Variants in YTHDC2 observed in about 807,000 individuals in gnomAD.
YTHDC2 encodes YTH N6-methyladenosine RNA binding protein C2, also known as 3'-5' RNA helicase YTHDC2.
YTHDC2 carries 45 observed loss-of-function variants against 174.9 expected under a neutral mutation model. The ratio of observed to expected loss-of-function variants is 0.26; its 90% CI spans 0.20 to 0.33. The LOEUF (loss-of-function observed/expected upper bound fraction) is 0.33, where lower values mean the gene tolerates loss of function less well. YTHDC2 is among the 10% of genes least tolerant of loss of function. The pLI is 1.00. For missense variants in YTHDC2, 1,650 were observed against 1,723.7 expected (o/e 0.96, Z 0.76); for synonymous variants, 657 against 574.5 (o/e 1.14, Z -2.05).
chr5:113,532,801 G>T, intron 4 of YTHDC2, 78 bp from the exon 5 acceptor site: 1 of 1,321,590 alleles, frequency 7.6e-7, no homozygotes, highest in Admixed American at 2.3e-5. Context: ...CAATTCTAGT[G>T]GTTTTTCAGT....
chr5:113,550,900 A>G (rs1776211785), intron 12 of YTHDC2, among the ~76,000 whole-genome samples: 1 of 152,072 alleles, frequency 6.6e-6, no homozygotes, highest in African/African-American at 2.4e-5. Context: ...CTTTCAGATT[A>G]GATATTTAAA....
At chr5:113,540,177 G>A (rs761531478) in intron 8 of YTHDC2, among the ~76,000 whole-genome samples, 2 of 152,316 alleles carry the variant, frequency 1.3e-5, no homozygotes, top group Non-Finnish European at 2.9e-5. Flanking sequence ...GAGCCACCAT[G>A]TCCAGCTGAA....
At chr5:113,523,035 A>G (rs1023541690) in intron 2 of YTHDC2, among the ~76,000 whole-genome samples, 3 of 152,046 alleles carry the variant, frequency 2.0e-5, no homozygotes, top group African/African-American at 7.2e-5. Context: ...TTTCAATCTA[A>G]CTTATTATTT....
chr5:113,540,408 A>G (rs1157516052), intron 8 of YTHDC2, among the ~76,000 whole-genome samples: 1 of 152,176 alleles, frequency 6.6e-6, no homozygotes, highest in Non-Finnish European at 1.5e-5. Flanking sequence ...GTATTAGCCC[A>G]TTTTCACACT....
intron 2 of YTHDC2, among the ~76,000 whole-genome samples, chr5:113,522,333 G>C (rs1773931753): frequency 6.6e-6 from 1 of 151,974 alleles, no homozygotes; most frequent in Admixed American, 6.6e-5. Flanking sequence ...TTTTAAATTA[G>C]TAAATTGATT....
chr5:113,590,007 G>A (rs573430312), intron 26 of YTHDC2, among the ~76,000 whole-genome samples: 5 of 152,218 alleles, frequency 3.3e-5, no homozygotes, highest in East Asian at 1.9e-4. Flanking sequence ...CATGAGAAAC[G>A]GGTTCAGATT....
intron 8 of YTHDC2, among the ~76,000 whole-genome samples, chr5:113,540,230 C>G (rs1775358607): frequency 6.6e-6 from 1 of 152,156 alleles, no homozygotes; most frequent in African/African-American, 2.4e-5. Context: ...TCTCAGAAAA[C>G]TAGCGTGGTG....
chr5:113,588,200 T>G (rs1778799935), intron 26 of YTHDC2, among the ~76,000 whole-genome samples: 1 of 152,128 alleles, frequency 6.6e-6, no homozygotes, highest in African/African-American at 2.4e-5. Context: ...GTTTATTTCT[T>G]TTTTACCTTA....
At position 113,584,361 on chromosome 5, in the gene YTHDC2, G is replaced by A. The variant is rs1420229056; in HGVS notation, c.3707G>A (p.Gly1236Glu). 1 of 1,613,788 alleles carries A rather than the reference G, an allele frequency of 6.2e-7. No homozygotes were observed. The highest frequency in any genetic ancestry group is 8.5e-7 in the Non-Finnish European group (1 of 1,179,858). ...LHPPQKYKDR[G>E]ILHPKRGTED... ...CCACCTCAGAAGTACAAAGATAGAG[G>A]AATTTTACATCCTAAACGAGGTACT... Residue 1236 changes from glycine (G) to glutamate (E), a missense_variant, in exon 26 of 30, where the codon GGA becomes GAA. Transcript: ENST00000161863.
At chr5:113,544,392 G>T (rs1007158647) in intron 10 of YTHDC2, among the ~76,000 whole-genome samples, 2 of 151,860 alleles carry the variant, frequency 1.3e-5, no homozygotes, top group Non-Finnish European at 2.9e-5. Flanking sequence ...CTTGTGATCC[G>T]CCTGCCTCAG....
rs180780362 is a variant in YTHDC2, at chr5:113,561,259, T to G, written c.2322+74T>G. 541 of 1,116,896 alleles carry G rather than the reference T, an allele frequency of 4.8e-4. 5 individuals are homozygous for G. The highest frequency in any genetic ancestry group is 4.6e-3 in the Middle Eastern group (19 of 4,164). The allele number at this position is 1,116,896 out of a possible 1,614,324, so 69.2% of individuals were successfully genotyped here. ...GAGGGGCCATTTCAACTTCTATGGATTAGGCCTTTAAAAAATCAATTTGTA... is the reference window on the plus strand; with the variant it reads ...GAGGGGCCATTTCAACTTCTATGGAGTAGGCCTTTAAAAAATCAATTTGTA... On this transcript the variant is annotated intron_variant, in intron 18 of 29. Coordinates refer to ENST00000161863, the MANE Select transcript of YTHDC2 (RefSeq NM_022828.5).
At chr5:113,558,484 GTGAT>G (rs1776753045) in intron 17 of YTHDC2, among the ~76,000 whole-genome samples, 1 of 152,178 alleles carries the variant, frequency 6.6e-6, no homozygotes, top group African/African-American at 2.4e-5. Flanking sequence ...AGTAATGTTG[GTGAT>G]TGATTGTGTA....
intron 17 of YTHDC2, chr5:113,556,336 C>A (rs1776608819): frequency 2.7e-6 from 1 of 372,614 alleles, no homozygotes; most frequent in Non-Finnish European, 4.8e-6. Context: ...AAAACTTTTG[C>A]CTAGTTAAAT....
intron 7 of YTHDC2, among the ~76,000 whole-genome samples, chr5:113,537,476 G>C (rs887837931): frequency 2.0e-5 from 3 of 150,710 alleles, no homozygotes; most frequent in African/African-American, 7.3e-5. Context: ...TCCCCTGTGG[G>C]CTTCTCTTCT....
chr5:113,531,297 G>T (rs546855094), intron 4 of YTHDC2, among the ~76,000 whole-genome samples: 1 of 152,168 alleles, frequency 6.6e-6, no homozygotes, highest in African/African-American at 2.4e-5. Context: ...AGGCTGAGGG[G>T]CTGGGCCACT....
At chr5:113,514,205 C>T in intron 1 of YTHDC2, 123 bp downstream of exon 1, 1 of 1,292,182 alleles carries the variant, frequency 7.7e-7, no homozygotes, top group Non-Finnish European at 1.1e-6. Flanking sequence ...CCCGGGCCAC[C>T]GTCCGGGGCG....
intron 11 of YTHDC2, 77 bp downstream of exon 11, chr5:113,548,744 C>A: frequency 7.0e-7 from 1 of 1,422,672 alleles, no homozygotes; most frequent in East Asian, 2.5e-5. Context: ...TTATGTTTGT[C>A]TTTATATTAA....
At chr5:113,584,146 G>A in intron 25 of YTHDC2, 156 bp from the exon 26 acceptor site, 2 of 579,588 alleles carry the variant, frequency 3.5e-6, no homozygotes, top group South Asian at 9.0e-5. Flanking sequence ...TATATTTCCT[G>A]ACCTTAGTAT....
chr5:113,540,968 A>C lies in YTHDC2; in HGVS notation c.1211A>C (p.Glu404Ala). 6.2e-7 allele frequency: 1 copy of C among 1,609,332 alleles called. No homozygotes were observed. Among genetic ancestry groups the C allele is most frequent in the East Asian group, 2.2e-5 (1 of 44,850 alleles). The part of the protein sequence containing the change: ...MLKYKKEKQQ[E>A]EKQQTTLTEW... ...ATTCTTTCTTTGATAATTAATTTAG[A>C]AGAGAAACAACAAACCACACTTACA... The change falls in exon 9 of 30, where the codon GAA becomes GCA. Residue 404 changes from glutamate (E) to alanine (A), a missense_variant and splice_region_variant. Coordinates refer to ENST00000161863, the MANE Select transcript of YTHDC2 (RefSeq NM_022828.5).
Sources: gnomAD v4.1 joint callset for allele counts (sites outside exome capture counted in the v4.1 genomes callset) on GRCh38, gnomAD v4.1.1 for gene constraint, MANE v1.5 for transcripts, NCBI Gene and HGNC (gene_info 2026-07-23, HGNC 2026-07-21) for gene names.